Variants in DACH1 observed in about 807,000 individuals in gnomAD.
The protein encoded by DACH1 is dachshund family transcription factor 1, also known as dachshund homolog 1.
In DACH1, 12 loss-of-function variants were observed where a neutral mutation model predicts 54.2. That is an observed-to-expected ratio of 0.22 (90% confidence interval 0.14 to 0.36). The LOEUF (loss-of-function observed/expected upper bound fraction) is 0.36. Among genes scored for constraint, DACH1 ranks in the 10% least tolerant of loss-of-function variants. The pLI is 1.00. For synonymous variants in DACH1, 386 were observed against 366.2 expected (o/e 1.05, Z -0.62); for missense variants, 805 against 929.8 (o/e 0.87, Z 1.75).
chr13:71,757,521 AC>A (rs1168401183), intron 1 of DACH1, among the ~76,000 whole-genome samples: 8 of 139,766 alleles, frequency 5.7e-5, no homozygotes, highest in African/African-American at 1.9e-4. Flanking sequence ...TTTTAAAGGT[AC>A]TTTTTTTTTT....
At chr13:71,747,107 A>G (rs898965802) in intron 1 of DACH1, among the ~76,000 whole-genome samples, 4 of 152,136 alleles carry the variant, frequency 2.6e-5, no homozygotes, top group African/African-American at 9.7e-5. Flanking sequence ...AAATAGTTGT[A>G]TGATATATAA....
intron 1 of DACH1, among the ~76,000 whole-genome samples, chr13:71,699,207 A>G (rs991814572): frequency 2.6e-5 from 4 of 152,174 alleles, no homozygotes; most frequent in Non-Finnish European, 5.9e-5. Flanking sequence ...GGGAGCTACA[A>G]TTGCAAGGAA....
chr13:71,697,444 C>T (rs1374225824), intron 1 of DACH1, among the ~76,000 whole-genome samples: 1 of 152,110 alleles, frequency 6.6e-6, no homozygotes, highest in Non-Finnish European at 1.5e-5. Context: ...CTTTGCATTA[C>T]CCTGTCTCCC....
intron 6 of DACH1, among the ~76,000 whole-genome samples, chr13:71,490,236 G>T (rs1466471742): frequency 6.6e-6 from 1 of 152,140 alleles, no homozygotes; most frequent in African/African-American, 2.4e-5. Flanking sequence ...TGATTCCACT[G>T]TTCTCCTCAA....
At chr13:71,832,576 C>A (rs1302940150) in intron 1 of DACH1, among the ~76,000 whole-genome samples, 1 of 151,750 alleles carries the variant, frequency 6.6e-6, no homozygotes, top group Non-Finnish European at 1.5e-5. Context: ...TGAATATTCC[C>A]AAATAGAAAA....
chr13:71,736,374 A>C (rs1241051210), intron 1 of DACH1, among the ~76,000 whole-genome samples: 2 of 152,208 alleles, frequency 1.3e-5, no homozygotes, highest in Non-Finnish European at 2.9e-5. Context: ...ATAATGACAA[A>C]GGCCTTGAAC....
chr13:71,510,293 T>C (rs1326592897), intron 6 of DACH1, among the ~76,000 whole-genome samples: 1 of 152,022 alleles, frequency 6.6e-6, no homozygotes, highest in African/African-American at 2.4e-5. Context: ...AAATACCATC[T>C]ATATGCTGAT....
intron 2 of DACH1, among the ~76,000 whole-genome samples, chr13:71,648,149 C>T (rs537105664): frequency 2.0e-5 from 3 of 152,108 alleles, no homozygotes; most frequent in Non-Finnish European, 4.4e-5. Flanking sequence ...AAGATGGCAT[C>T]CTTCATTTAA....
chr13:71,849,591 A>G (rs1219265746), intron 1 of DACH1, among the ~76,000 whole-genome samples: 2 of 152,186 alleles, frequency 1.3e-5, no homozygotes, highest in Non-Finnish European at 2.9e-5. Context: ...TCATTATAGG[A>G]AGCTACTGAG....
intron 2 of DACH1, among the ~76,000 whole-genome samples, chr13:71,665,803 G>A (rs1879792735): frequency 1.3e-5 from 2 of 152,042 alleles, no homozygotes. Context: ...AATAGCATAA[G>A]TGATAGTGAA....
intron 10 of DACH1, among the ~76,000 whole-genome samples, chr13:71,442,962 A>G (rs1874139170): frequency 1.3e-5 from 2 of 151,130 alleles, no homozygotes; most frequent in Non-Finnish European, 1.5e-5. Flanking sequence ...AGTTTAGTAA[A>G]TATGTGTTAA....
chr13:71,530,147 T>C (rs188716557), intron 6 of DACH1, among the ~76,000 whole-genome samples: 1 of 152,256 alleles, frequency 6.6e-6, no homozygotes, highest in Non-Finnish European at 1.5e-5. Context: ...ACACCATCAT[T>C]GAAAATATGT....
At chr13:71,826,639 G>A (rs775541848) in intron 1 of DACH1, among the ~76,000 whole-genome samples, 40 of 151,982 alleles carry the variant, frequency 2.6e-4, no homozygotes, top group Non-Finnish European at 4.6e-4. Context: ...AATAAAATAT[G>A]ATTAATTATA....
chr13:71,730,140 T>C (rs1377814422), intron 1 of DACH1, among the ~76,000 whole-genome samples: 2 of 152,034 alleles, frequency 1.3e-5, no homozygotes, highest in Non-Finnish European at 2.9e-5. Context: ...GCATGGCACA[T>C]GTATACATAT....
intron 3 of DACH1, among the ~76,000 whole-genome samples, chr13:71,624,196 T>C (rs556368844): frequency 6.6e-6 from 1 of 152,050 alleles, no homozygotes; most frequent in African/African-American, 2.4e-5. Context: ...GATATGAAGA[T>C]ATCTTTTGCA....
intron 6 of DACH1, among the ~76,000 whole-genome samples, chr13:71,502,171 G>A (rs567524337): frequency 7.9e-5 from 12 of 152,096 alleles, no homozygotes; most frequent in Middle Eastern, 3.4e-3. Flanking sequence ...TCACTCCTCC[G>A]CCTTAGGACT....
intron 2 of DACH1, among the ~76,000 whole-genome samples, chr13:71,671,944 T>C (rs555982326): frequency 3.3e-5 from 5 of 152,242 alleles, no homozygotes; most frequent in Admixed American, 1.3e-4. Flanking sequence ...ATGATTCTAT[T>C]GTATCATCCA....
At chr13:71,589,679 G>C (rs1339073668) in intron 3 of DACH1, among the ~76,000 whole-genome samples, 2 of 151,830 alleles carry the variant, frequency 1.3e-5, no homozygotes, top group African/African-American at 4.8e-5. Context: ...CACCTAAAAA[G>C]ACCTGATATG....
intron 5 of DACH1, among the ~76,000 whole-genome samples, chr13:71,557,771 C>G (rs748738814): frequency 6.7e-6 from 1 of 150,178 alleles, no homozygotes. Context: ...CATCCATAAC[C>G]TAAGACTAAT....
Sources: allele counts gnomAD v4.1 joint callset (sites outside exome capture counted in the v4.1 genomes callset), GRCh38; gene constraint gnomAD v4.1.1; transcripts MANE v1.5; gene names NCBI Gene and HGNC (gene_info 2026-07-23, HGNC 2026-07-21).